Variants in CSMD1 observed in about 807,000 individuals in gnomAD.
CSMD1 encodes CUB and sushi domain-containing protein 1.
A neutral mutation model predicts 417.5 loss-of-function variants in CSMD1; 213 were observed. That is an observed-to-expected ratio of 0.51 (90% CI 0.46 to 0.57). The LOEUF (loss-of-function observed/expected upper bound fraction) is 0.57. CSMD1 is among the 20% of genes least tolerant of loss of function. The pLI, the probability that CSMD1 is intolerant of heterozygous loss-of-function variation, is 0.00. For synonymous variants in CSMD1, 2,862 were observed against 1,736.8 expected (o/e 1.65, Z -16.11); for missense variants, 6,923 against 4,529.7 (o/e 1.53, Z -15.17).
At chr8:4,616,005 G>C (rs1585335580) in intron 2 of CSMD1, among the ~76,000 whole-genome samples, 2 of 152,112 alleles carry the variant, frequency 1.3e-5, no homozygotes, top group Admixed American at 1.3e-4. Context: ...TTTTCGGTTA[G>C]ATAATTCTCA....
chr8:4,254,955 C>T, intron 3 of CSMD1, among the ~76,000 whole-genome samples: 1 of 152,184 alleles, frequency 6.6e-6, no homozygotes, highest in East Asian at 1.9e-4. Context: ...CTGGAGTGGA[C>T]TCCATAACCA....
rs139290975 is a variant in CSMD1, at chr8:3,909,822, TTGTAATAGAA to T, written c.818+88071_818+88080del. On this transcript the variant is annotated intron_variant, in intron 5 of 69. Coordinates refer to ENST00000635120, the MANE Select transcript of CSMD1 (RefSeq NM_033225.6). ...TTCTCATCACAATTTTGCATGGTGATTGTAATAGAAGCACCACGTATGTCCTGCTGTATAC... is the reference window on the plus strand; with the variant it reads ...TTCTCATCACAATTTTGCATGGTGATGCACCACGTATGTCCTGCTGTATAC... 6.6e-3 allele frequency among the ~76,000 whole-genome samples: 1,000 copies of T among 152,282 alleles called. 5 individuals carry two copies. Among genetic ancestry groups the T allele is most frequent in the Non-Finnish European group, 0.011 (733 of 68,014 alleles).
intron 10 of CSMD1, among the ~76,000 whole-genome samples, chr8:3,568,292 G>C (rs1052564919): frequency 6.6e-6 from 1 of 152,138 alleles, no homozygotes; most frequent in African/African-American, 2.4e-5. Context: ...TCAGATCCAT[G>C]TGTGCTGTTG....
At chr8:4,813,869 G>A (rs1015871991) in intron 1 of CSMD1, among the ~76,000 whole-genome samples, 2 of 152,086 alleles carry the variant, frequency 1.3e-5, no homozygotes, top group Non-Finnish European at 2.9e-5. Flanking sequence ...GGTTTTGTGT[G>A]TTTTCCATTA....
chr8:3,272,251 C>T (rs1301995621), intron 26 of CSMD1, among the ~76,000 whole-genome samples: 5 of 142,884 alleles, frequency 3.5e-5, no homozygotes, highest in Admixed American at 7.1e-5. Flanking sequence ...AGATATGCGG[C>T]GTTATTTCTG....
intron 5 of CSMD1, among the ~76,000 whole-genome samples, chr8:3,836,152 C>G (rs1006431125): frequency 2.6e-5 from 4 of 152,042 alleles, no homozygotes; most frequent in African/African-American, 7.2e-5. Flanking sequence ...TTTTTTCTTA[C>G]TATATTCATT....
At chr8:3,580,441 C>G (rs145022292) in intron 9 of CSMD1, among the ~76,000 whole-genome samples, 7 of 152,138 alleles carry the variant, frequency 4.6e-5, no homozygotes, top group Non-Finnish European at 7.4e-5. Context: ...ATGCAAGAAT[C>G]CTAGGAGAGA....
intron 7 of CSMD1, among the ~76,000 whole-genome samples, chr8:3,643,738 G>A (rs1267449063): frequency 1.4e-5 from 2 of 141,178 alleles, no homozygotes; most frequent in South Asian, 2.2e-4. Flanking sequence ...TGCCTCCTCT[G>A]CCTTTTCCAG....
intron 7 of CSMD1, among the ~76,000 whole-genome samples, chr8:3,685,572 G>A (rs949012193): frequency 6.6e-6 from 1 of 152,142 alleles, no homozygotes; most frequent in East Asian, 1.9e-4. Context: ...TACAAAACAG[G>A]AGTGAAGCAT....
chr8:3,863,368 C>T (rs1008153303), intron 5 of CSMD1, among the ~76,000 whole-genome samples: 3 of 148,280 alleles, frequency 2.0e-5, no homozygotes, highest in African/African-American at 7.6e-5. Context: ...TGCACTCTAG[C>T]CTAGGCTACA....
intron 27 of CSMD1, among the ~76,000 whole-genome samples, chr8:3,226,447 G>T (rs1355903413): frequency 6.6e-6 from 1 of 152,046 alleles, no homozygotes; most frequent in Non-Finnish European, 1.5e-5. Flanking sequence ...GCCGGGCGTG[G>T]TGGCACGCAC....
intron 10 of CSMD1, among the ~76,000 whole-genome samples, chr8:3,568,220 T>C (rs1799797467): frequency 6.6e-6 from 1 of 152,202 alleles, no homozygotes; most frequent in African/African-American, 2.4e-5. Context: ...GTTGTGGATG[T>C]TTGAGTATTT....
chr8:3,439,122 C>CAAAAAAAAAAAAAAAAAAAAAAAAAAA (rs1158997352), intron 12 of CSMD1, among the ~76,000 whole-genome samples: 1 of 2,494 alleles, frequency 4.0e-4, no homozygotes, highest in Non-Finnish European at 5.7e-4. Flanking sequence ...GACTCCATCT[C>CAAAAAAAAAAAAAAAAAAAAAAAAAAA]AAAAAAAAAA....
rs760882046 is a variant in CSMD1 at position 3,405,995 on chromosome 8, A to C, written c.2266+32T>G. 7 of 1,599,852 alleles carry C rather than the reference A, an allele frequency of 4.4e-6. No homozygotes were observed. In the Admixed American group the frequency reaches 1.2e-4, roughly 27 times the overall value. On this transcript the variant is annotated intron_variant, in intron 15 of 69. Transcript: ENST00000635120. ...CCTGAAGATAGATGTGTGATTTCAA[A>C]GGAGAAGAGCGGGGGGTGGCAGGGA...
At chr8:3,098,384 G>T (rs1343970655) in intron 46 of CSMD1, among the ~76,000 whole-genome samples, 1 of 152,104 alleles carries the variant, frequency 6.6e-6, no homozygotes, top group Non-Finnish European at 1.5e-5. Flanking sequence ...CTTTTGAAAA[G>T]TAATTTATTT....
intron 5 of CSMD1, among the ~76,000 whole-genome samples, chr8:3,989,341 G>T (rs541587875): frequency 6.6e-6 from 1 of 152,268 alleles, no homozygotes; most frequent in East Asian, 1.9e-4. Flanking sequence ...AGTCATCTTG[G>T]CTTAGCAACT....
intron 1 of CSMD1, among the ~76,000 whole-genome samples, chr8:4,875,250 C>A (rs76107465): frequency 0.013 from 1,953 of 152,022 alleles, 52 homozygotes; most frequent in African/African-American, 0.045. Context: ...TATGAACAAG[C>A]GCTATACCCA....
chr8:4,239,163 C>A, intron 3 of CSMD1, among the ~76,000 whole-genome samples: 1 of 152,188 alleles, frequency 6.6e-6, no homozygotes, highest in Admixed American at 6.5e-5. Flanking sequence ...ACGTTCTCCA[C>A]CAGAGTTGAA....
intron 3 of CSMD1, among the ~76,000 whole-genome samples, chr8:4,301,994 G>C (rs1374850370): frequency 2.6e-5 from 4 of 152,148 alleles, no homozygotes; most frequent in Admixed American, 6.6e-5. Flanking sequence ...AGATATGTTA[G>C]AACAAGTTAA....
Sources: gnomAD v4.1 joint callset for allele counts (sites outside exome capture counted in the v4.1 genomes callset) on GRCh38, gnomAD v4.1.1 for gene constraint, MANE v1.5 for transcripts, NCBI Gene and HGNC (gene_info 2026-07-23, HGNC 2026-07-21) for gene names.